The following DPH6 variants were observed in gnomAD, a reference collection of about 807,000 sequenced individuals.
DPH6 encodes the protein diphthamine biosynthesis 6, also known as diphthine--ammonia ligase.
Under a neutral mutation model 38.2 loss-of-function variants are expected in DPH6, and 33 were observed. That is an observed-to-expected ratio of 0.86 (90% CI 0.65 to 1.15). The LOEUF (loss-of-function observed/expected upper bound fraction) is 1.15. Among genes scored for constraint, DPH6 ranks in the 50% most tolerant of loss-of-function variants. The pLI, the probability that DPH6 is intolerant of heterozygous loss-of-function variation, is 0.00. For missense variants in DPH6, 325 were observed against 320.0 expected (o/e 1.02, Z -0.12); for synonymous variants, 108 against 103.0 (o/e 1.05, Z -0.30).
chr15:35,334,878 G>C (rs2052356439), intron 3 of DPH6, among the ~76,000 whole-genome samples: 1 of 152,020 alleles, frequency 6.6e-6, no homozygotes, highest in South Asian at 2.1e-4. Flanking sequence ...ATGTGTGCAT[G>C]TATCTTTATA....
intron 3 of DPH6, among the ~76,000 whole-genome samples, chr15:35,273,314 G>A (rs1595456302): frequency 2.0e-5 from 3 of 152,096 alleles, no homozygotes; most frequent in Admixed American, 2.0e-4. Flanking sequence ...ACGCTTTCCT[G>A]AGTCCCTCAC....
intron 7 of DPH6, among the ~76,000 whole-genome samples, chr15:35,377,015 C>T (rs980139788): frequency 4.6e-5 from 7 of 151,800 alleles, no homozygotes; most frequent in African/African-American, 1.7e-4. Context: ...TATATATACA[C>T]CAATAACAGT....
rs1333571488 is a variant in DPH6, at chr15:35,290,026, AC to A, written n.201-69445del. ...TTATGCATACTCAAAATAAAAGTAA[AC>A]CACACTAAAGTTGAAAAGAAATGTA... On this transcript the variant is annotated intron_variant and non_coding_transcript_variant, in intron 3 of 3. Transcript: ENST00000560386. Among the ~76,000 whole-genome samples, 13 of 152,338 alleles carry A rather than the reference AC, an allele frequency of 8.5e-5. No homozygotes were observed. In the South Asian group the frequency reaches 1.2e-3, roughly 15 times the overall value.
intron 3 of DPH6, among the ~76,000 whole-genome samples, chr15:35,471,238 T>C (rs576489416): frequency 1.3e-5 from 2 of 152,254 alleles, no homozygotes; most frequent in East Asian, 3.9e-4. Context: ...CACCCAGGCT[T>C]AAGAGGTACA....
At chr15:35,253,029 C>T (rs534704110) in intron 3 of DPH6, among the ~76,000 whole-genome samples, 4 of 152,310 alleles carry the variant, frequency 2.6e-5, no homozygotes, top group East Asian at 3.9e-4. Context: ...CTATCTCTGA[C>T]GTCTCACTAT....
intron 3 of DPH6, chr15:35,237,320 C>G (rs900495352): frequency 6.3e-7 from 1 of 1,587,104 alleles, no homozygotes; most frequent in East Asian, 2.2e-5. Context: ...GCAGAGAACG[C>G]GAGAGATGAA....
At chr15:35,341,870 C>G (rs550817909) in intron 3 of DPH6, among the ~76,000 whole-genome samples, 45 of 152,332 alleles carry the variant, frequency 3.0e-4, no homozygotes, top group Non-Finnish European at 1.5e-5. Context: ...CTTAAAGAAG[C>G]AGCCTGGCTG....
At chr15:35,428,517 G>T (rs994846370) in intron 5 of DPH6, among the ~76,000 whole-genome samples, 1 of 152,006 alleles carries the variant, frequency 6.6e-6, no homozygotes, top group South Asian at 2.1e-4. Flanking sequence ...AAAAAACAAG[G>T]GACATGCAGT....
At chr15:35,347,420 G>C (rs2052472111) in intron 3 of DPH6, among the ~76,000 whole-genome samples, 1 of 150,890 alleles carries the variant, frequency 6.6e-6, no homozygotes, top group African/African-American at 2.4e-5. Context: ...CCAAAGTGCT[G>C]GAATTGTAAG....
intron 6 of DPH6, among the ~76,000 whole-genome samples, chr15:35,390,141 T>C (rs999389210): frequency 3.9e-5 from 6 of 152,208 alleles, no homozygotes; most frequent in African/African-American, 1.4e-4. Flanking sequence ...GGTTGAAAAT[T>C]CTTTTCTTTA....
At chr15:35,268,581 T>G (rs2051800410) in intron 3 of DPH6, among the ~76,000 whole-genome samples, 1 of 151,656 alleles carries the variant, frequency 6.6e-6, no homozygotes, top group East Asian at 1.9e-4. Flanking sequence ...TTAAAAAAAT[T>G]TTTTTAGGGG....
chr15:35,159,557 AT>A, the DPH6 span, among the ~76,000 whole-genome samples: 5 of 152,030 alleles, frequency 3.3e-5, no homozygotes, highest in Admixed American at 1.3e-4. Context: ...TTAAAAAAAA[AT>A]AACAGGTGTT....
intron 5 of DPH6, among the ~76,000 whole-genome samples, chr15:35,429,290 C>T (rs568690319): frequency 1.3e-5 from 2 of 152,188 alleles, no homozygotes; most frequent in African/African-American, 4.8e-5. Context: ...AATATCTCTC[C>T]CATTTGATTT....
chr15:35,393,486 T>C (rs1370163025), intron 6 of DPH6, among the ~76,000 whole-genome samples: 2 of 152,196 alleles, frequency 1.3e-5, no homozygotes, highest in Non-Finnish European at 2.9e-5. Flanking sequence ...TGTTTGTTTT[T>C]AGAGTTGTGC....
intron 3 of DPH6, among the ~76,000 whole-genome samples, chr15:35,296,221 G>A (rs1348592879): frequency 6.6e-6 from 1 of 152,180 alleles, no homozygotes; most frequent in African/African-American, 2.4e-5. Context: ...TTACAGGTGT[G>A]AGCCACCACG....
the DPH6 span, among the ~76,000 whole-genome samples, chr15:35,160,543 C>T: frequency 1.3e-5 from 2 of 151,684 alleles, no homozygotes; most frequent in African/African-American, 4.8e-5. Context: ...TTTTGTCATC[C>T]AGGTAGTGAC....
chr15:35,298,911 G>T, intron 3 of DPH6: 1 of 841,030 alleles, frequency 1.2e-6, no homozygotes, highest in Non-Finnish European at 2.1e-6. Flanking sequence ...TACTGCCAGA[G>T]AAGTGGGTGA....
intron 3 of DPH6, among the ~76,000 whole-genome samples, chr15:35,311,419 C>T (rs927633276): frequency 6.6e-6 from 1 of 152,010 alleles, no homozygotes; most frequent in Admixed American, 6.6e-5. Flanking sequence ...TTTTTCTATA[C>T]AAAAATATAA....
intron 3 of DPH6, among the ~76,000 whole-genome samples, chr15:35,461,955 T>C (rs1354218649): frequency 3.3e-5 from 5 of 152,164 alleles, no homozygotes; most frequent in Non-Finnish European, 7.3e-5. Context: ...AAGCTCTTGA[T>C]CCAGCACATA....
Sources: gnomAD v4.1 joint callset for allele counts (sites outside exome capture counted in the v4.1 genomes callset) on GRCh38, gnomAD v4.1.1 for gene constraint, MANE v1.5 for transcripts, NCBI Gene and HGNC (gene_info 2026-07-23, HGNC 2026-07-21) for gene names.